Variants in FHIT observed in about 807,000 individuals in gnomAD.
The protein encoded by FHIT is bis(5'-adenosyl)-triphosphatase.
Under a neutral mutation model 17.9 loss-of-function variants are expected in FHIT, and 19 were observed. The ratio of observed to expected loss-of-function variants is 1.06; its 90% CI spans 0.74 to 1.56. The LOEUF is 1.56. Among genes scored for constraint, FHIT ranks in the 40% most tolerant of loss-of-function variants. The pLI is 0.00. For missense variants in FHIT, 248 were observed against 189.2 expected (o/e 1.31, Z -1.82); for synonymous variants, 81 against 69.7 (o/e 1.16, Z -0.81).
At chr3:60,439,168 A>G (rs745805068) in intron 5 of FHIT, among the ~76,000 whole-genome samples, 9 of 152,136 alleles carry the variant, frequency 5.9e-5, no homozygotes, top group Non-Finnish European at 1.3e-4. Flanking sequence ...CTTTGAAGGA[A>G]TCATCACTGG....
chr3:60,951,847 G>A (rs549815383), intron 3 of FHIT, among the ~76,000 whole-genome samples: 29 of 152,152 alleles, frequency 1.9e-4, no homozygotes, highest in Non-Finnish European at 4.3e-4. Flanking sequence ...TAAAGGGAAA[G>A]GTCTCTTTGA....
chr3:60,383,092 C>G (rs1216639343), intron 5 of FHIT, among the ~76,000 whole-genome samples: 1 of 152,104 alleles, frequency 6.6e-6, no homozygotes, highest in Non-Finnish European at 1.5e-5. Context: ...ATCTGAGTTA[C>G]ATTACTAAAA....
At chr3:60,552,328 T>C (rs930706820) in intron 4 of FHIT, among the ~76,000 whole-genome samples, 3 of 152,216 alleles carry the variant, frequency 2.0e-5, no homozygotes, top group Non-Finnish European at 2.9e-5. Context: ...TTTTCAATTA[T>C]TGAACGTACA....
At position 60,342,041 on chromosome 3, in the gene FHIT, CA is replaced by C. The variant is rs142572973; in HGVS notation, c.103+194818del. Among the ~76,000 whole-genome samples, 270 of 152,274 alleles carry C rather than the reference CA, an allele frequency of 1.8e-3. 4 individuals are homozygous for C. In the East Asian group the frequency reaches 0.029, roughly 16 times the overall value. ...GCAAAGCAAGAGGGGATCCTGCTAA[CA>C]GGCCATCACCTCACACATTGAATTC... On this transcript the variant is annotated intron_variant, in intron 5 of 9. Coordinates refer to ENST00000492590, the MANE Select transcript of FHIT (RefSeq NM_002012.4).
intron 2 of FHIT, among the ~76,000 whole-genome samples, chr3:61,137,675 C>T (rs1179609754): frequency 6.6e-6 from 1 of 152,174 alleles, no homozygotes; most frequent in Non-Finnish European, 1.5e-5. Context: ...AACAGACATC[C>T]ATTGAAACTG....
intron 8 of FHIT, among the ~76,000 whole-genome samples, chr3:59,907,149 A>G (rs1268836563): frequency 1.3e-5 from 2 of 152,194 alleles, no homozygotes; most frequent in Non-Finnish European, 2.9e-5. Flanking sequence ...ACAGGAGTTG[A>G]ACCTCGATAG....
chr3:61,233,635 C>T (rs1276884930), intron 1 of FHIT, among the ~76,000 whole-genome samples: 1 of 152,062 alleles, frequency 6.6e-6, no homozygotes. Flanking sequence ...GTAGTGATTA[C>T]CTGAGTGGCA....
chr3:61,128,646 C>A (rs887932343), intron 2 of FHIT, among the ~76,000 whole-genome samples: 1 of 152,058 alleles, frequency 6.6e-6, no homozygotes, highest in Non-Finnish European at 1.5e-5. Context: ...TCATTTGAGA[C>A]CTCTCTAGTT....
chr3:60,366,367 C>T lies in FHIT; in HGVS notation c.103+170493G>A, dbSNP rs777405499. 1.4e-4 allele frequency among the ~76,000 whole-genome samples: 21 copies of T among 152,278 alleles called. No individual in the cohort carries two copies. The Middle Eastern group carries it at 0.01, about 74-fold the overall frequency. On this transcript the variant is annotated intron_variant, in intron 5 of 9. Transcript: ENST00000492590. ...CTCAAACTCCTGACCTCAAGGGATCCGCCTGCCTTGGCCTCCCAAAGTGCT... is the reference window on the plus strand; with the variant it reads ...CTCAAACTCCTGACCTCAAGGGATCTGCCTGCCTTGGCCTCCCAAAGTGCT...
Position 60,622,621 on chromosome 3 carries a change from G to C in FHIT, c.-17-85642C>G, listed in dbSNP as rs1176855429. Among the ~76,000 whole-genome samples the C allele has an allele frequency of 3.9e-5, 6 of 152,188 alleles. No individual in the cohort carries two copies. The East Asian group carries it at 9.6e-4, about 24-fold the overall frequency. On this transcript the variant is annotated intron_variant, in intron 4 of 9. Coordinates refer to ENST00000492590, the MANE Select transcript of FHIT (RefSeq NM_002012.4). ...ATCCAATGTCAACACTTCAGCCTGG[G>C]CTGATTGGATGCATGCATTAAAACT...
rs114039222 is a variant in FHIT at position 61,003,990 on chromosome 3, G to A, written c.-111+38057C>T. Among the ~76,000 whole-genome samples, 447 of 152,224 alleles carry A rather than the reference G, an allele frequency of 2.9e-3. 6 individuals carry two copies. The highest frequency in any genetic ancestry group is 1.0e-2 in the African/African-American group (415 of 41,548). On this transcript the variant is annotated intron_variant, in intron 3 of 9. Coordinates refer to ENST00000492590, the MANE Select transcript of FHIT (RefSeq NM_002012.4). ...TACTTCAGATCATCCTTATGCTTGG[G>A]GGTGGGCAGACAGATTATTAAATAA...
rs1576416683 is a variant in FHIT, at chr3:60,282,018, G to T, written c.103+254842C>A. On this transcript the variant is annotated intron_variant, in intron 5 of 9. Transcript: ENST00000492590. ...GACTGATAATACCAAATATTGGCAAGAAAGTGGAGTGATGGGAACGTTCAT... is the reference window on the plus strand; with the variant it reads ...GACTGATAATACCAAATATTGGCAATAAAGTGGAGTGATGGGAACGTTCAT... 3.3e-5 allele frequency among the ~76,000 whole-genome samples: 5 copies of T among 152,276 alleles called. 2 individuals carry two copies. In the South Asian group the frequency reaches 1.0e-3, roughly 32 times the overall value.
At chr3:60,741,528 C>G (rs1178083065) in intron 4 of FHIT, among the ~76,000 whole-genome samples, 1 of 152,238 alleles carries the variant, frequency 6.6e-6, no homozygotes, top group Non-Finnish European at 1.5e-5. Flanking sequence ...CATCCCAAGA[C>G]AGACTCCACT....
intron 5 of FHIT, among the ~76,000 whole-genome samples, chr3:60,509,371 T>C (rs1317912341): frequency 6.6e-6 from 1 of 152,212 alleles, no homozygotes; most frequent in Non-Finnish European, 1.5e-5. Flanking sequence ...TCCAATCTTG[T>C]GTACTATTAC....
intron 5 of FHIT, among the ~76,000 whole-genome samples, chr3:60,311,000 C>T (rs907478359): frequency 1.3e-5 from 2 of 152,140 alleles, no homozygotes; most frequent in Non-Finnish European, 2.9e-5. Flanking sequence ...CACCCCAGTA[C>T]AGTTACTAAT....
rs867030916 is a variant in FHIT at position 59,855,930 on chromosome 3, G to A, written c.348+66416C>T. Among the ~76,000 whole-genome samples the A allele has an allele frequency of 1.7e-4, 23 of 132,398 alleles. 1 individual carries two copies. The South Asian group carries it at 2.5e-3, about 14-fold the overall frequency. The allele number at this position is 132,398 out of a possible 152,430, so 86.9% of individuals were successfully genotyped here. A position where few individuals can be genotyped will look rare whatever the true frequency, so the allele number is the denominator to read the frequency against. Reference sequence around the variant, plus strand: ...CAAGTAGCTGGGACTACAGGCGCCCGCCACCACGCCCGGCTAATTTTTTTG... The same window carrying A: ...CAAGTAGCTGGGACTACAGGCGCCCACCACCACGCCCGGCTAATTTTTTTG... On this transcript the variant is annotated intron_variant, in intron 8 of 9. Coordinates refer to ENST00000492590, the MANE Select transcript of FHIT (RefSeq NM_002012.4).
chr3:60,855,377 C>T (rs999492496), intron 3 of FHIT, among the ~76,000 whole-genome samples: 12 of 152,064 alleles, frequency 7.9e-5, no homozygotes, highest in Admixed American at 5.9e-4. Context: ...GAGGAGAAAG[C>T]CTTTTCTTCA....
At chr3:60,758,465 T>C (rs1699525674) in intron 4 of FHIT, among the ~76,000 whole-genome samples, 1 of 152,196 alleles carries the variant, frequency 6.6e-6, no homozygotes, top group Admixed American at 6.5e-5. Flanking sequence ...AACATTCTGT[T>C]TAGCTTGAGT....
At chr3:60,252,543 G>A (rs1203405925) in intron 5 of FHIT, among the ~76,000 whole-genome samples, 3 of 151,982 alleles carry the variant, frequency 2.0e-5, no homozygotes, top group East Asian at 3.9e-4. Flanking sequence ...TAGCCTGGGC[G>A]ACAGTGAAAC....
Sources: gnomAD v4.1 joint callset for allele counts (sites outside exome capture counted in the v4.1 genomes callset) on GRCh38, gnomAD v4.1.1 for gene constraint, MANE v1.5 for transcripts, NCBI Gene and HGNC (gene_info 2026-07-23, HGNC 2026-07-21) for gene names.